Variants in EPHB1 observed in about 807,000 individuals in gnomAD.
EPHB1 encodes the protein ephrin type-B receptor 1.
In EPHB1, 30 loss-of-function variants were observed where a neutral mutation model predicts 94.4. The observed-to-expected ratio is 0.32, with a 90% CI of 0.24 to 0.43. The LOEUF (loss-of-function observed/expected upper bound fraction) is 0.43, where lower values mean the gene tolerates loss of function less well. Among genes scored for constraint, EPHB1 ranks in the 20% least tolerant of loss-of-function variants. The pLI, the probability that EPHB1 is intolerant of heterozygous loss-of-function variation, is 1.00. For synonymous variants in EPHB1, 522 were observed against 489.1 expected, an observed-to-expected ratio of 1.07 and a Z score of -0.89; for missense variants, 1,055 against 1,308.3, an observed-to-expected ratio of 0.81 and a Z score of 2.99.
At chr3:134,810,952 T>C (rs1355506948) in intron 1 of EPHB1, among the ~76,000 whole-genome samples, 1 of 152,160 alleles carries the variant, frequency 6.6e-6, no homozygotes, top group Non-Finnish European at 1.5e-5. Context: ...AAGACTTTCA[T>C]AGGAGGGAGA....
intron 3 of EPHB1, among the ~76,000 whole-genome samples, chr3:135,034,224 C>G (rs752350416): frequency 6.6e-6 from 1 of 152,196 alleles, no homozygotes; most frequent in Non-Finnish European, 1.5e-5. Context: ...GGGCATCCTT[C>G]AGAATCCACT....
intron 12 of EPHB1, among the ~76,000 whole-genome samples, chr3:135,228,167 A>G (rs182452924): frequency 3.4e-4 from 51 of 152,216 alleles, no homozygotes; most frequent in Middle Eastern, 3.4e-3. Context: ...AGCTTCTGAG[A>G]CTGCATTTAG....
At chr3:134,967,433 C>T (rs1475008539) in intron 3 of EPHB1, among the ~76,000 whole-genome samples, 2 of 152,164 alleles carry the variant, frequency 1.3e-5, no homozygotes, top group Non-Finnish European at 2.9e-5. Flanking sequence ...GTGATTGGAT[C>T]ATGAGAGCTC....
At chr3:134,809,861 T>C (rs542669523) in intron 1 of EPHB1, among the ~76,000 whole-genome samples, 1 of 152,330 alleles carries the variant, frequency 6.6e-6, no homozygotes, top group African/African-American at 2.4e-5. Context: ...GATCTCAGCA[T>C]TGGAAGAGAG....
chr3:135,074,317 GGA>G (rs1346811256), intron 3 of EPHB1, among the ~76,000 whole-genome samples: 2 of 152,108 alleles, frequency 1.3e-5, no homozygotes, highest in Non-Finnish European at 2.9e-5. Flanking sequence ...TTCAATCAAT[GGA>G]TATTTGTTGA....
chr3:135,004,269 G>C (rs1252695995), intron 3 of EPHB1, among the ~76,000 whole-genome samples: 2 of 151,112 alleles, frequency 1.3e-5, no homozygotes, highest in African/African-American at 2.4e-5. Context: ...TTTTCTTTAA[G>C]AATGTTGAAT....
intron 11 of EPHB1, among the ~76,000 whole-genome samples, chr3:135,195,878 T>C (rs1357171005): frequency 7.7e-6 from 1 of 130,374 alleles, no homozygotes; most frequent in Non-Finnish European, 1.6e-5. Flanking sequence ...TCAAATGGTA[T>C]TTCCAGTTCT....
intron 3 of EPHB1, among the ~76,000 whole-genome samples, chr3:134,985,700 G>A (rs1395933190): frequency 2.6e-5 from 4 of 152,074 alleles, no homozygotes; most frequent in Non-Finnish European, 5.9e-5. Context: ...CAGCACATTC[G>A]ATGGACAGAG....
At chr3:134,877,351 T>A (rs2037637504) in intron 1 of EPHB1, among the ~76,000 whole-genome samples, 1 of 152,164 alleles carries the variant, frequency 6.6e-6, no homozygotes, top group South Asian at 2.1e-4. Flanking sequence ...TTCCCTGTTA[T>A]TTTGGGAAGG....
chr3:135,243,719 G>C (rs1181618499), intron 13 of EPHB1, among the ~76,000 whole-genome samples: 1 of 152,216 alleles, frequency 6.6e-6, no homozygotes, highest in African/African-American at 2.4e-5. Flanking sequence ...TTTTAAGGAA[G>C]AGAATTGCAG....
chr3:135,237,313 G>C (rs4894272), intron 12 of EPHB1, among the ~76,000 whole-genome samples: 2,731 of 140,016 alleles, frequency 0.02, 150 homozygotes, highest in Admixed American at 0.13. Flanking sequence ...CACACACACA[G>C]ACAGACACAA....
rs1578114658 is a variant in EPHB1, at chr3:134,823,040, A to G, written c.58+27351A>G. Among the ~76,000 whole-genome samples the G allele has an allele frequency of 2.0e-5, 3 of 152,190 alleles. No individual in the cohort carries two copies. In the South Asian group the frequency reaches 6.2e-4, roughly 32 times the overall value. On this transcript the variant is annotated intron_variant, in intron 1 of 15. Coordinates refer to ENST00000398015, the MANE Select transcript of EPHB1 (RefSeq NM_004441.5). ...GGGGTACATGACTCCTCAGGACCACAGGACTACAGGACCACCCAGCCTACT... is the reference window on the plus strand; with the variant it reads ...GGGGTACATGACTCCTCAGGACCACGGGACTACAGGACCACCCAGCCTACT...
chr3:135,216,846 G>C (rs34243073), intron 12 of EPHB1, among the ~76,000 whole-genome samples: 35,574 of 151,108 alleles, frequency 0.24, 4,538 homozygotes, highest in Non-Finnish European at 0.29. Flanking sequence ...CAGTGAACCA[G>C]ATGCCCTGTT....
chr3:134,877,273 G>A (rs1041922615), intron 1 of EPHB1, among the ~76,000 whole-genome samples: 1 of 152,186 alleles, frequency 6.6e-6, no homozygotes, highest in Admixed American at 6.5e-5. Context: ...GAGAGCCTTA[G>A]CTTCAGATGG....
chr3:135,245,540 G>A (rs1465343514), intron 13 of EPHB1, among the ~76,000 whole-genome samples: 14 of 138,868 alleles, frequency 1.0e-4, no homozygotes, highest in Admixed American at 9.9e-4. Flanking sequence ...AAAAAAATCG[G>A]CCCGTGCCTG....
At chr3:134,970,943 C>G (rs1196779546) in intron 3 of EPHB1, among the ~76,000 whole-genome samples, 2 of 152,206 alleles carry the variant, frequency 1.3e-5, no homozygotes, top group African/African-American at 4.8e-5. Flanking sequence ...TAAGCTTTAT[C>G]CTTTTCTCAC....
chr3:135,217,547 C>T (rs942132305), intron 12 of EPHB1, among the ~76,000 whole-genome samples: 4 of 151,900 alleles, frequency 2.6e-5, no homozygotes, highest in Non-Finnish European at 4.4e-5. Context: ...GTTAGAGATA[C>T]ACAGTGAAAT....
At chr3:135,060,842 T>G (rs895307068) in intron 3 of EPHB1, among the ~76,000 whole-genome samples, 1 of 152,184 alleles carries the variant, frequency 6.6e-6, no homozygotes, top group Non-Finnish European at 1.5e-5. Flanking sequence ...AAATTGTTAT[T>G]GACTATTGTC....
rs563782456 is a variant in EPHB1, at chr3:135,111,841, G to A, written c.961+5238G>A. Among the ~76,000 whole-genome samples, 9 of 152,172 alleles carry A rather than the reference G, an allele frequency of 5.9e-5. No homozygotes were observed. The East Asian group carries it at 9.7e-4, about 16-fold the overall frequency. ...ATTACAGGTGCTCGCCACCAGACCCGGCTAATTTTTGTATTTTTAGTAGAG... is the reference window on the plus strand; with the variant it reads ...ATTACAGGTGCTCGCCACCAGACCCAGCTAATTTTTGTATTTTTAGTAGAG... On this transcript the variant is annotated intron_variant, in intron 4 of 15. Transcript: ENST00000398015.
Sources: gnomAD v4.1 joint callset for allele counts (sites outside exome capture counted in the v4.1 genomes callset) on GRCh38, gnomAD v4.1.1 for gene constraint, MANE v1.5 for transcripts, NCBI Gene and HGNC (gene_info 2026-07-23, HGNC 2026-07-21) for gene names.